Variants in URB1 observed in about 807,000 individuals in gnomAD.
URB1 encodes the protein URB1 ribosome biogenesis factor.
A neutral mutation model predicts 242.3 loss-of-function variants in URB1; 197 were observed. The observed-to-expected ratio is 0.81, with a 90% confidence interval of 0.72 to 0.91. The LOEUF (loss-of-function observed/expected upper bound fraction) is 0.91, where lower values mean the gene tolerates loss of function less well. Among genes scored for constraint, URB1 ranks in the 40% least tolerant of loss-of-function variants. The probability of loss-of-function intolerance (pLI) is 0.00; values close to 1 mark genes in which losing one functional copy is unlikely to be tolerated. For missense variants in URB1, 2,721 were observed against 2,860.5 expected (o/e 0.95, Z 1.11); for synonymous variants, 1,153 against 1,201.8 (o/e 0.96, Z 0.84).
intron 10 of URB1, among the ~76,000 whole-genome samples, chr21:32,365,278 A>G (rs1203076412): frequency 6.6e-6 from 1 of 152,084 alleles, no homozygotes; most frequent in Admixed American, 6.5e-5. Context: ...GACACTGTCT[A>G]TACAAAAAAT....
intron 6 of URB1, among the ~76,000 whole-genome samples, chr21:32,374,228 A>C (rs2033435504): frequency 6.6e-6 from 1 of 152,194 alleles, no homozygotes; most frequent in Non-Finnish European, 1.5e-5. Context: ...ATTCTCCATA[A>C]AGCTGTGATT....
chr21:32,314,914 G>A lies in URB1; in HGVS notation c.*4C>T, dbSNP rs1348929853. On this transcript the variant is annotated 3_prime_UTR_variant, in exon 39 of 39. Transcript: ENST00000382751. ...TCAGGGTGCAAGGTGCTGGCCGGCA[G>A]GAGTCAAGCATCTGAGGCTGCGCTG... 1.9e-6 allele frequency: 3 copies of A among 1,549,098 alleles called. No homozygotes were observed. In the South Asian group the frequency reaches 3.6e-5, roughly 18 times the overall value.
At chr21:32,330,890 T>C (rs535217372) in intron 30 of URB1, among the ~76,000 whole-genome samples, 6 of 152,322 alleles carry the variant, frequency 3.9e-5, no homozygotes, top group African/African-American at 9.6e-5. Flanking sequence ...GTGCTCACCA[T>C]GGGGAGCTAG....
At chr21:32,339,525 C>T (rs1460842529) in intron 25 of URB1, among the ~76,000 whole-genome samples, 1 of 148,048 alleles carries the variant, frequency 6.8e-6, no homozygotes, top group African/African-American at 2.5e-5. Context: ...GAGTCTCGCT[C>T]TGTCGCCTAG....
At position 32,317,917 on chromosome 21, in the gene URB1, C is replaced by T; in HGVS notation, c.5793G>A (p.Arg1931=). The T allele has an allele frequency of 6.4e-7, 1 of 1,551,474 alleles. No individual in the cohort carries two copies. Among genetic ancestry groups the T allele is most frequent in the Non-Finnish European group, 8.7e-7 (1 of 1,146,912 alleles). Residue 1931 remains arginine, a splice_region_variant and synonymous_variant, in exon 37 of 39, where the codon AGG becomes AGA. Coordinates refer to ENST00000382751, the MANE Select transcript of URB1 (RefSeq NM_014825.3). ...TCAGCTGGACGGGGGCCAAGGTGGG[C>T]CTGTTTGGGAGTCAATGTTACAGAC... ...YVLIVLMKHL[R]PTLAPVQLTN... is the part of the protein sequence containing the mutation.
At chr21:32,374,261 A>G (rs545397782) in intron 6 of URB1, among the ~76,000 whole-genome samples, 2 of 152,328 alleles carry the variant, frequency 1.3e-5, no homozygotes, top group African/African-American at 4.8e-5. Context: ...CATAGTCTTC[A>G]TTGCATCTGA....
Position 32,325,366 on chromosome 21 carries a change from A to G in URB1, c.4984T>C (p.Phe1662Leu), listed in dbSNP as rs779454069. 1.4e-5 allele frequency: 21 copies of G among 1,550,722 alleles called. No individual in the cohort carries two copies. Among genetic ancestry groups the G allele is most frequent in the Non-Finnish European group, 1.7e-5 (19 of 1,146,264 alleles). ...AGGCCCAGAGCATTTGAATCCAAAA[A>G]TTTTCGACAATCCACCACAAACTCT... is the stretch of plus-strand genomic sequence containing the variant. ...RPEFVVDCRK[F>L]LDSNALGLTV... The change falls in exon 31 of 39, where the codon TTT becomes CTT. Residue 1662 changes from phenylalanine (F) to leucine (L), a missense_variant. Physicochemically the swap from Phe to Leu is conservative, Grantham distance 22 (BLOSUM62 0). Transcript: ENST00000382751.
At position 32,354,767 on chromosome 21, in the gene URB1, G is replaced by C. The variant is rs140257940; in HGVS notation, c.2245+92C>G. The C allele has an allele frequency of 1.4e-3, 2,016 of 1,463,828 alleles. 22 individuals are homozygous for C. The East Asian group carries it at 0.033, about 24-fold the overall frequency. The allele number at this position is 1,463,828 out of a possible 1,614,324, so 90.7% of individuals were successfully genotyped here. On this transcript the variant is annotated intron_variant, in intron 17 of 38. Coordinates refer to ENST00000382751, the MANE Select transcript of URB1 (RefSeq NM_014825.3). ...AGGGACTGTGTGCACTTGGCCTAGG[G>C]CATTAGTGCAGTTCTTGTTCTCAAT...
chr21:32,346,372 C>G (rs2033086211), intron 22 of URB1, among the ~76,000 whole-genome samples: 1 of 152,334 alleles, frequency 6.6e-6, no homozygotes, highest in African/African-American at 2.4e-5. Context: ...ACTTGCAGGG[C>G]ACTGTCTTAC....
intron 4 of URB1, 23 bp from the exon 5 acceptor site, chr21:32,378,564 A>G (rs1285561605): frequency 2.0e-6 from 3 of 1,538,418 alleles, no homozygotes; most frequent in East Asian, 2.4e-5. Flanking sequence ...GGAGACCTAC[A>G]TGTCACATGC....
chr21:32,344,392 ATGGTTCATCAATTCTG>A (rs2033062428), intron 24 of URB1, among the ~76,000 whole-genome samples, 162 bp downstream of exon 24: 1 of 152,196 alleles, frequency 6.6e-6, no homozygotes. Flanking sequence ...CTGATAAAAG[ATGGTTCATCAATTCTG>A]GGGTTATCCA....
chr21:32,368,681 A>C (rs1461291315), intron 8 of URB1, 83 bp from the exon 9 acceptor site: 5 of 1,208,026 alleles, frequency 4.1e-6, no homozygotes. Context: ...GCAGCTCTGC[A>C]GAATTGCCCT....
At chr21:32,349,708 T>C (rs2033134887) in intron 20 of URB1, among the ~76,000 whole-genome samples, 2 of 152,222 alleles carry the variant, frequency 1.3e-5, no homozygotes, top group Admixed American at 6.5e-5. Flanking sequence ...TTGACTAAAC[T>C]GAAAGGGACA....
rs2032655224 is a variant in URB1, at chr21:32,314,840, G to A, written c.*78C>T. ...TCCCATGCCTTCTCTGGAAACCCTTGACTCAACCAAACTTCTAGAAGCTGG... is the reference window on the plus strand; with the variant it reads ...TCCCATGCCTTCTCTGGAAACCCTTAACTCAACCAAACTTCTAGAAGCTGG... On this transcript the variant is annotated 3_prime_UTR_variant, in exon 39 of 39. Coordinates refer to ENST00000382751, the MANE Select transcript of URB1 (RefSeq NM_014825.3). 5.3e-6 allele frequency: 8 copies of A among 1,511,276 alleles called. No homozygotes were observed. The East Asian group carries it at 2.0e-4, about 37-fold the overall frequency. The allele number at this position is 1,511,276 out of a possible 1,614,324, so 93.6% of individuals were successfully genotyped here.
intron 9 of URB1, among the ~76,000 whole-genome samples, chr21:32,368,047 C>G (rs117419059): frequency 0.01 from 1,575 of 152,268 alleles, 18 homozygotes; most frequent in South Asian, 0.029. Context: ...TCCCCTAACT[C>G]CCTATGCCCC....
chr21:32,387,396 C>T (rs188126509), intron 1 of URB1, among the ~76,000 whole-genome samples: 2 of 152,194 alleles, frequency 1.3e-5, no homozygotes, highest in Admixed American at 1.3e-4. Flanking sequence ...TCTAGCCTGG[C>T]AACAGAGTGA....
intron 1 of URB1, among the ~76,000 whole-genome samples, chr21:32,386,055 G>A (rs2033580793): frequency 6.6e-6 from 1 of 151,848 alleles, no homozygotes; most frequent in African/African-American, 2.4e-5. Context: ...GGGAGGCTGA[G>A]GCAGAATTGT....
intron 14 of URB1, among the ~76,000 whole-genome samples, chr21:32,358,476 A>G (rs1332702350): frequency 2.6e-5 from 4 of 152,186 alleles, no homozygotes; most frequent in African/African-American, 9.7e-5. Flanking sequence ...TGGGCTTTGA[A>G]CAAGTCTTCA....
intron 20 of URB1, 37 bp downstream of exon 20, chr21:32,350,667 A>G (rs1358036060): frequency 1.3e-6 from 2 of 1,540,528 alleles, no homozygotes; most frequent in Non-Finnish European, 8.8e-7. Context: ...CTGGTGGCAG[A>G]GCTCTGAAGC....
Sources: allele counts gnomAD v4.1 joint callset (sites outside exome capture counted in the v4.1 genomes callset), GRCh38; gene constraint gnomAD v4.1.1; transcripts MANE v1.5; gene names NCBI Gene and HGNC (gene_info 2026-07-23, HGNC 2026-07-21).